Variants in UVRAG observed in about 807,000 individuals in gnomAD.
UVRAG encodes the protein UV radiation resistance-associated gene protein.
In UVRAG, 19 loss-of-function variants were observed where a neutral mutation model predicts 78.0. The observed-to-expected ratio is 0.24, with a 90% CI of 0.17 to 0.36. The LOEUF is 0.36. Among genes scored for constraint, UVRAG ranks in the 10% least tolerant of loss-of-function variants. The pLI is 1.00. For synonymous variants in UVRAG, 323 were observed against 324.6 expected (o/e 1.00, Z 0.05); for missense variants, 740 against 853.8 (o/e 0.87, Z 1.66).
At position 76,109,343 on chromosome 11, in the gene UVRAG, G is replaced by A. The variant is rs193056892; in HGVS notation, c.1306-6581G>A. 2.1e-4 allele frequency among the ~76,000 whole-genome samples: 32 copies of A among 152,242 alleles called. No individual in the cohort carries two copies. The East Asian group carries it at 6.0e-3, about 28-fold the overall frequency. The stretch of plus-strand genomic sequence containing the variant: ...GTTCACTCTCTTGCTTAAAACCCTG[G>A]AGTAGGTTCTTACTGCTAACCAGCA... On this transcript the variant is annotated intron_variant, in intron 13 of 14. Coordinates refer to ENST00000356136, the MANE Select transcript of UVRAG (RefSeq NM_003369.4).
intron 12 of UVRAG, among the ~76,000 whole-genome samples, chr11:76,029,826 A>G (rs1950399304): frequency 6.6e-6 from 1 of 152,234 alleles, no homozygotes; most frequent in South Asian, 2.1e-4. Context: ...ATTGCATGCT[A>G]CATGAAAGGC....
intron 6 of UVRAG, among the ~76,000 whole-genome samples, chr11:75,953,907 A>G (rs528010117): frequency 6.6e-6 from 1 of 152,230 alleles, no homozygotes; most frequent in South Asian, 2.1e-4. Flanking sequence ...TTGACCACTC[A>G]CCCATATTAC....
intron 9 of UVRAG, among the ~76,000 whole-genome samples, chr11:76,006,660 C>CAAAAAA (rs762221601): frequency 1.6e-5 from 1 of 62,366 alleles, no homozygotes; most frequent in Non-Finnish European, 2.6e-5. Context: ...GACCCCGTCT[C>CAAAAAA]AAAAAAAAAA....
At chr11:75,853,072 G>C (rs1001248647) in intron 2 of UVRAG, among the ~76,000 whole-genome samples, 3 of 151,964 alleles carry the variant, frequency 2.0e-5, no homozygotes, top group African/African-American at 7.3e-5. Context: ...CGCCACTCCA[G>C]GCTAACTTTG....
chr11:76,038,992 C>G (rs1002902927), intron 12 of UVRAG, among the ~76,000 whole-genome samples: 1 of 152,214 alleles, frequency 6.6e-6, no homozygotes, highest in African/African-American at 2.4e-5. Flanking sequence ...GAGCAGAGAA[C>G]TCATTTATAC....
At chr11:76,121,229 A>G (rs920882026) in intron 14 of UVRAG, among the ~76,000 whole-genome samples, 2 of 152,162 alleles carry the variant, frequency 1.3e-5, no homozygotes, top group African/African-American at 4.8e-5. Context: ...ATGAACCCCC[A>G]TTTTTTATGA....
chr11:75,938,462 G>A (rs1256978431), intron 6 of UVRAG, among the ~76,000 whole-genome samples: 1 of 152,056 alleles, frequency 6.6e-6, no homozygotes. Flanking sequence ...ATATTTTTGT[G>A]TTCCTATAAA....
At chr11:76,011,590 C>T (rs986252558) in intron 11 of UVRAG, among the ~76,000 whole-genome samples, 6 of 152,220 alleles carry the variant, frequency 3.9e-5, no homozygotes, top group Admixed American at 3.9e-4. Flanking sequence ...CACCACTGCA[C>T]TCCAGCCTGA....
At chr11:76,139,247 CAGGG>C (rs1256467297) in intron 14 of UVRAG, among the ~76,000 whole-genome samples, 5 of 152,284 alleles carry the variant, frequency 3.3e-5, no homozygotes, top group South Asian at 4.1e-4. Context: ...GGAGAGAGAG[CAGGG>C]AGCTGGGGCC....
chr11:75,996,564 C>G (rs1034511637), intron 8 of UVRAG, among the ~76,000 whole-genome samples: 1 of 152,092 alleles, frequency 6.6e-6, no homozygotes, highest in Non-Finnish European at 1.5e-5. Context: ...ATTGTTCTAA[C>G]TAGGGGGAGA....
chr11:76,113,890 G>C (rs912152493), intron 13 of UVRAG, among the ~76,000 whole-genome samples: 2 of 152,042 alleles, frequency 1.3e-5, no homozygotes, highest in African/African-American at 2.4e-5. Flanking sequence ...GGAGAGTTAA[G>C]ACCCAGACAG....
chr11:75,981,165 G>A (rs1261066683), intron 7 of UVRAG, among the ~76,000 whole-genome samples: 1 of 152,012 alleles, frequency 6.6e-6, no homozygotes, highest in African/African-American at 2.4e-5. Context: ...AGACTGGAGT[G>A]TAGTGGCATG....
chr11:76,022,931 A>G (rs908178610), intron 12 of UVRAG, among the ~76,000 whole-genome samples: 1 of 151,046 alleles, frequency 6.6e-6, no homozygotes, highest in Admixed American at 6.6e-5. Context: ...TGTGTATTTT[A>G]TAGATTTTTT....
chr11:76,025,534 T>C (rs1950312310), intron 12 of UVRAG, among the ~76,000 whole-genome samples: 1 of 152,136 alleles, frequency 6.6e-6, no homozygotes, highest in Non-Finnish European at 1.5e-5. Context: ...TTTATAAATC[T>C]CTAAAAGATG....
rs633676 is a variant in UVRAG at position 76,134,051 on chromosome 11, C to G, written c.1398-6660C>G. Among the ~76,000 whole-genome samples the G allele has an allele frequency of 5.5e-3, 825 of 150,622 alleles. 7 individuals are homozygous for G. The highest frequency in any genetic ancestry group is 0.019 in the South Asian group (92 of 4,778). ...TCACGCAACCTCCACCTCCTGGGTTCAAGAGATTCTCCTGCTCTCCTGCCT... is the reference window on the plus strand; with the variant it reads ...TCACGCAACCTCCACCTCCTGGGTTGAAGAGATTCTCCTGCTCTCCTGCCT... On this transcript the variant is annotated intron_variant, in intron 14 of 14. Coordinates refer to ENST00000356136, the MANE Select transcript of UVRAG (RefSeq NM_003369.4).
intron 13 of UVRAG, among the ~76,000 whole-genome samples, chr11:76,087,447 G>C (rs1392114146): frequency 6.6e-6 from 1 of 152,106 alleles, no homozygotes; most frequent in Non-Finnish European, 1.5e-5. Flanking sequence ...CAGACCAATT[G>C]ATTTATCATA....
At chr11:76,052,197 C>T (rs1950883525) in intron 12 of UVRAG, among the ~76,000 whole-genome samples, 1 of 152,198 alleles carries the variant, frequency 6.6e-6, no homozygotes, top group Non-Finnish European at 1.5e-5. Flanking sequence ...TATATCCCTA[C>T]CACCTAACAC....
chr11:75,874,660 T>C (rs1460634252), intron 3 of UVRAG, among the ~76,000 whole-genome samples: 1 of 152,286 alleles, frequency 6.6e-6, no homozygotes, highest in Non-Finnish European at 1.5e-5. Flanking sequence ...ATGCCCTTTT[T>C]ATCTATTATT....
At chr11:76,033,645 A>T (rs1477304833) in intron 12 of UVRAG, among the ~76,000 whole-genome samples, 1 of 150,878 alleles carries the variant, frequency 6.6e-6, no homozygotes, top group Non-Finnish European at 1.5e-5. Context: ...TTTATAAACA[A>T]GTAAAGGAGC....
Sources: gnomAD v4.1 joint callset for allele counts (sites outside exome capture counted in the v4.1 genomes callset) on GRCh38, gnomAD v4.1.1 for gene constraint, MANE v1.5 for transcripts, NCBI Gene and HGNC (gene_info 2026-07-23, HGNC 2026-07-21) for gene names.